LAMA5: variants seen among roughly 807,000 people sequenced by gnomAD.
LAMA5 encodes the protein laminin subunit alpha-5.
Under a neutral mutation model 433.4 loss-of-function variants are expected in LAMA5, and 260 were observed. The ratio of observed to expected loss-of-function variants is 0.60; its 90% CI spans 0.54 to 0.66. LAMA5 has a LOEUF of 0.66. Among genes scored for constraint, LAMA5 ranks in the 30% least tolerant of loss-of-function variants. The pLI is 0.00. For missense variants in LAMA5, 5,378 were observed against 5,258.5 expected, an observed-to-expected ratio of 1.02 and a Z score of -0.70; for synonymous variants, 2,620 against 2,226.6, an observed-to-expected ratio of 1.18 and a Z score of -4.97.
Position 62,312,709 on chromosome 20 carries a change from G to A in LAMA5, c.9150C>T (p.Ser3050=), listed in dbSNP as rs750809818. 1.0e-5 allele frequency: 16 copies of A among 1,602,906 alleles called. No homozygotes were observed. The highest frequency in any genetic ancestry group is 1.7e-4 in the Middle Eastern group (1 of 6,056). The change falls in exon 67 of 80, where the codon AGC becomes AGT. Residue 3050 remains serine (S), a synonymous_variant. Coordinates refer to ENST00000252999, the MANE Select transcript of LAMA5 (RefSeq NM_005560.6). Reference sequence around the variant, plus strand: ...GCTCCAGATCATTGTCCTGCTCCACGCTGTACACCGTGGCCCGCTCCACAC... The same window carrying A: ...GCTCCAGATCATTGTCCTGCTCCACACTGTACACCGTGGCCCGCTCCACAC... ...LVRVERATVY[S]VEQDNDLELA...
At position 62,318,880 on chromosome 20, in the gene LAMA5, C is replaced by G. The variant is rs1456558509; in HGVS notation, c.7005G>C (p.Gln2335His). The G allele has an allele frequency of 6.2e-7, 1 of 1,609,112 alleles. No homozygotes were observed. The highest frequency in any genetic ancestry group is 8.5e-7 in the Non-Finnish European group (1 of 1,179,162). ...EMRARDLGAP[Q>H]AAAEAELAAA... is the part of the protein sequence containing the mutation. ...CAGCCAACTCAGCCTCAGCTGCTGC[C>G]TGCGGGGCCCCCAGGTCCCGGGCCC... is the stretch of plus-strand genomic sequence containing the variant. The change falls in exon 52 of 80, where the codon CAG (glutamine) becomes CAC (histidine). Residue 2335 changes from glutamine to histidine, a missense_variant. Transcript: ENST00000252999.
rs1409916234 is a variant in LAMA5, at chr20:62,362,524, G to A, written c.326C>T (p.Ala109Val). The A allele has an allele frequency of 6.3e-7, 1 of 1,599,066 alleles. No individual in the cohort carries two copies. Among genetic ancestry groups the A allele is most frequent in the South Asian group, 1.1e-5 (1 of 89,550 alleles). The change falls in exon 2 of 80, where the codon GCC becomes GTC. Residue 109 changes from alanine to valine, a missense_variant. Coordinates refer to ENST00000252999, the MANE Select transcript of LAMA5 (RefSeq NM_005560.6). ...RGQYCDICTA[A>V]NSNKAHPASN... is the part of the protein sequence containing the mutation. ...CGCGGGGTGTGCCTTGTTGCTGTTG[G>A]CAGCCGTGCAGATGTCACAGTACTG...
chr20:62,336,454 G>A lies in LAMA5; in HGVS notation c.2218-9C>T, dbSNP rs1465506806. 1 of 1,608,144 alleles carries A rather than the reference G, an allele frequency of 6.2e-7. No individual in the cohort carries two copies. Among genetic ancestry groups the A allele is most frequent in the Admixed American group, 1.7e-5 (1 of 59,784 alleles). On this transcript the variant is annotated splice_polypyrimidine_tract_variant and intron_variant, in intron 17 of 79. Coordinates refer to ENST00000252999, the MANE Select transcript of LAMA5 (RefSeq NM_005560.6). ...ATACAGGGAACCTGTGCCTGGGAGAGGACAAGACTGCAGGTCAGAGCGGGC... is the reference window on the plus strand; with the variant it reads ...ATACAGGGAACCTGTGCCTGGGAGAAGACAAGACTGCAGGTCAGAGCGGGC...
Position 62,322,006 on chromosome 20 carries a change from G to GT in LAMA5, c.6496+12dup, listed in dbSNP as rs750615546. On this transcript the variant is annotated intron_variant, in intron 48 of 79. Transcript: ENST00000252999. ...TCCATCAGGTGTGGGGAAGTGGGGT[G>GT]TTGAGGACACACCTTCACAGTGGAT... 2 of 1,596,808 alleles carry GT rather than the reference G, an allele frequency of 1.3e-6. No individual in the cohort carries two copies. The highest frequency in any genetic ancestry group is 4.5e-5 in the East Asian group (2 of 44,834).
chr20:62,310,465 CA>C lies in LAMA5; in HGVS notation c.10553del (p.Leu3518ArgfsTer16). 6.3e-7 allele frequency: 1 copy of C among 1,599,022 alleles called. No individual in the cohort carries two copies. The highest frequency in any genetic ancestry group is 8.5e-7 in the Non-Finnish European group (1 of 1,174,586). On this transcript the variant is annotated frameshift_variant, in exon 76 of 80. Transcript: ENST00000252999. LOFTEE classifies it high-confidence loss of function. Reference protein sequence around the residue: ...AGVTPCILGPLEAGLFFPGSG... With the variant: ...AGVTPCILGPXEAGLFFPGSG... The stretch of plus-strand genomic sequence containing the variant: ...TGCCTGGGAAGAACAGGCCCGCCTC[CA>C]GGGGGCCCAAGATGCAGGGTGTGAC...
intron 35 of LAMA5, 97 bp from the exon 36 acceptor site, chr20:62,328,107 G>A (rs1169270151): frequency 6.5e-7 from 1 of 1,545,122 alleles, no homozygotes; most frequent in Non-Finnish European, 8.8e-7. Context: ...CATCCTCCCA[G>A]AAGTGGAGGA....
intron 1 of LAMA5, among the ~76,000 whole-genome samples, chr20:62,364,540 C>T (rs1986507151): frequency 6.6e-6 from 1 of 152,208 alleles, no homozygotes; most frequent in Non-Finnish European, 1.5e-5. Flanking sequence ...GTTGGGAAAA[C>T]CAGGCTCCCC....
rs774061240 is a variant in LAMA5 at position 62,362,501 on chromosome 20, C to T, written c.349G>A (p.Ala117Thr). Residue 117 changes from alanine to threonine, a missense_variant, in exon 2 of 80, where the codon GCG becomes ACG. Physicochemically the swap from Ala to Thr is moderately conservative, Grantham distance 58. Transcript: ENST00000252999. ...TCCGTGCCATCGATGGCATTGCTCG[C>T]GGGGTGTGCCTTGTTGCTGTTGGCA... is the stretch of plus-strand genomic sequence containing the variant. ...TAANSNKAHPASNAIDGTERW... is the reference protein window; with the variant it reads ...TAANSNKAHPTSNAIDGTERW... 2.0e-5 allele frequency: 32 copies of T among 1,604,392 alleles called. No homozygotes were observed. The highest frequency in any genetic ancestry group is 3.3e-4 in the Middle Eastern group (2 of 6,048).
At chr20:62,309,942 G>A (rs749955295) in intron 78 of LAMA5, 46 bp downstream of exon 78, 14 of 1,606,058 alleles carry the variant, frequency 8.7e-6, no homozygotes, top group South Asian at 4.4e-5. Flanking sequence ...CCGCTCTGCA[G>A]AAGGGTGGGG....
At chr20:62,323,026 T>C (rs1284316499) in intron 45 of LAMA5, among the ~76,000 whole-genome samples, 4 of 134,242 alleles carry the variant, frequency 3.0e-5, no homozygotes, top group African/African-American at 1.1e-4. Flanking sequence ...TGGTGGTGTC[T>C]AACCATGAGG....
Position 62,309,355 on chromosome 20 carries a change from C to T in LAMA5, c.11069G>A (p.Ser3690Asn). The change falls in exon 80 of 80, where the codon AGT becomes AAT. Residue 3690 changes from serine to asparagine, a missense_variant. Physicochemically the swap from Ser to Asn is conservative, Grantham distance 46 (BLOSUM62 1). Transcript: ENST00000252999. ...SVEVHGAVGASGCPAA is the reference protein window; with the variant it reads ...SVEVHGAVGANGCPAA ...TGTGTCCTAGGCGGCTGGGCAGCCA[C>T]TGGCCCCCACTGCCCCGTGGACCTC... 6.3e-7 allele frequency: 1 copy of T among 1,590,472 alleles called. No homozygotes were observed. Among genetic ancestry groups the T allele is most frequent in the Non-Finnish European group, 8.5e-7 (1 of 1,176,648 alleles).
In LAMA5 at chr20:62,333,456, G is replaced by A. The variant is rs757005294; in HGVS notation, c.3047C>T (p.Ala1016Val). ...CTGCAGGAGCGCCGCCTCGTAGTATGCGCTAGGCAGCAGAACCACGTAGTC... is the reference window on the plus strand; with the variant it reads ...CTGCAGGAGCGCCGCCTCGTAGTATACGCTAGGCAGCAGAACCACGTAGTC... ...LLDYVVLLPS[A>V]YYEAALLQLR... The change falls in exon 25 of 80, where the codon GCA becomes GTA. Residue 1016 changes from alanine (A) to valine (V), a missense_variant. Transcript: ENST00000252999. 1.9e-6 allele frequency: 3 copies of A among 1,612,694 alleles called. No homozygotes were observed. The highest frequency in any genetic ancestry group is 3.3e-5 in the Admixed American group (2 of 60,004).
chr20:62,344,926 G>A (rs1983121416), intron 11 of LAMA5, among the ~76,000 whole-genome samples: 1 of 152,220 alleles, frequency 6.6e-6, no homozygotes, highest in African/African-American at 2.4e-5. Context: ...ACAGGGTGCA[G>A]AGCGCATGAC....
In LAMA5 at chr20:62,311,461, G is replaced by A. The variant is rs146140391; in HGVS notation, c.9882C>T (p.Pro3294=). 1.6e-5 allele frequency: 26 copies of A among 1,606,886 alleles called. No individual in the cohort carries two copies. Among genetic ancestry groups the A allele is most frequent in the Admixed American group, 1.3e-4 (8 of 59,436 alleles). ...GSVNVSTGCA[P]ALQAQTPGLG... is the part of the protein sequence containing the mutation. ...GGCCCGGGGTCTGGGCTTGCAGGGC[G>A]GGTGCACAGCCCGTGCTCACATTGA... The change falls in exon 72 of 80, where the codon CCC becomes CCT. Residue 3294 remains proline (P), a synonymous_variant. Transcript: ENST00000252999.
intron 3 of LAMA5, among the ~76,000 whole-genome samples, 181 bp from the exon 4 acceptor site, chr20:62,352,541 C>A (rs374274063): frequency 6.6e-6 from 1 of 152,140 alleles, no homozygotes; most frequent in African/African-American, 2.4e-5. Context: ...TGCACTGCCC[C>A]CCACCGCTCT....
Position 62,327,676 on chromosome 20 carries a change from A to T in LAMA5, c.4798-7T>A, listed in dbSNP as rs1214247109. The stretch of plus-strand genomic sequence containing the variant: ...TGGGGCCCTGCACGTTCTCCTAGGG[A>T]TGAGAGGACAGTGAGAGTGGTCGGC... On this transcript the variant is annotated splice_region_variant and splice_polypyrimidine_tract_variant and intron_variant, in intron 36 of 79. Coordinates refer to ENST00000252999, the MANE Select transcript of LAMA5 (RefSeq NM_005560.6). 4 of 1,612,250 alleles carry T rather than the reference A, an allele frequency of 2.5e-6. No individual in the cohort carries two copies. In the African/African-American group the frequency reaches 5.3e-5, roughly 21 times the overall value.
rs78985447 is a variant in LAMA5, at chr20:62,323,613, G to A, written c.5907C>T (p.Cys1969=). 4,293 of 1,611,170 alleles carry A rather than the reference G, an allele frequency of 2.7e-3. 106 individuals are homozygous for A. The African/African-American group carries it at 0.047, about 18-fold the overall frequency. ...PLVLGSSCQP[C]DCSGNGDPNL... ...TGGGGTCACCGTTGCCGCTGCAGTC[G>A]CATGGCTGGCAGGAGCTGCCCAGCA... is the stretch of plus-strand genomic sequence containing the variant. The change falls in exon 45 of 80, where the codon TGC becomes TGT. Residue 1969 remains cysteine (C), a synonymous_variant. Transcript: ENST00000252999.
At chr20:62,334,795 T>C (rs1981260815) in intron 20 of LAMA5, among the ~76,000 whole-genome samples, 174 bp from the exon 21 acceptor site, 1 of 65,868 alleles carries the variant, frequency 1.5e-5, no homozygotes, top group Non-Finnish European at 4.4e-5. Context: ...TGGGATCTGT[T>C]AGTGCCGTCT....
chr20:62,345,845 G>A lies in LAMA5; in HGVS notation c.1450C>T (p.Gln484Ter), dbSNP rs1443826308. 1 of 1,552,312 alleles carries A rather than the reference G, an allele frequency of 6.4e-7. No individual in the cohort carries two copies. Among genetic ancestry groups the A allele is most frequent in the Non-Finnish European group, 8.7e-7 (1 of 1,147,778 alleles). The change falls in exon 11 of 80, where the codon CAG (glutamine) becomes TAG (stop). Residue 484 changes from glutamine to a stop codon, truncating the protein, a stop_gained. Transcript: ENST00000252999. LOFTEE classifies it high-confidence loss of function. ...TPSSSNDTREQVLPAGQIVNC... is the reference protein window; with the variant it reads ...TPSSSNDTRE ...ACAATCTGGCCGGCTGGCAGCACCT[G>A]CTCCCTGGTGTCATTGGAGGACGAG... is the stretch of plus-strand genomic sequence containing the variant.
Sources: gnomAD v4.1 joint callset for allele counts (sites outside exome capture counted in the v4.1 genomes callset) on GRCh38, gnomAD v4.1.1 for gene constraint, MANE v1.5 for transcripts, NCBI Gene and HGNC (gene_info 2026-07-23, HGNC 2026-07-21) for gene names.